STPG2: variants seen among roughly 807,000 people sequenced by gnomAD.
STPG2 encodes the protein sperm-tail PG-rich repeat-containing protein 2.
In STPG2, 56 loss-of-function variants were observed where a neutral mutation model predicts 54.2. That is an observed-to-expected ratio of 1.03 (90% CI 0.83 to 1.29). The LOEUF is 1.29. Among genes scored for constraint, STPG2 ranks in the 50% most tolerant of loss-of-function variants. The probability of loss-of-function intolerance (pLI) is 0.00; values close to 1 mark genes in which losing one functional copy is unlikely to be tolerated. For synonymous variants in STPG2, 200 were observed against 181.8 expected (o/e 1.10, Z -0.81); for missense variants, 596 against 544.9 (o/e 1.09, Z -0.93).
intron 8 of STPG2, among the ~76,000 whole-genome samples, chr4:97,865,194 C>A (rs1729721280): frequency 6.6e-6 from 1 of 152,098 alleles, no homozygotes; most frequent in African/African-American, 2.4e-5. Flanking sequence ...ATCTACTCAT[C>A]TGACAAAGGG....
intron 8 of STPG2, among the ~76,000 whole-genome samples, chr4:97,906,820 G>A (rs1003585976): frequency 1.2e-4 from 18 of 152,024 alleles, no homozygotes; most frequent in South Asian, 2.1e-4. Flanking sequence ...TCAACACCCC[G>A]TCAAACTAAA....
intron 10 of STPG2, among the ~76,000 whole-genome samples, chr4:97,562,916 G>A (rs1264060079): frequency 6.6e-6 from 1 of 152,070 alleles, no homozygotes; most frequent in Non-Finnish European, 1.5e-5. Flanking sequence ...TTTTGGTTGT[G>A]TCTCTGCCTG....
chr4:97,786,613 G>A (rs1330190932), intron 9 of STPG2, among the ~76,000 whole-genome samples: 3 of 152,100 alleles, frequency 2.0e-5, no homozygotes, highest in Non-Finnish European at 2.9e-5. Flanking sequence ...GTTCGGAGTA[G>A]GGTGAAAGAG....
chr4:97,659,263 T>TA (rs1306372248), intron 10 of STPG2, among the ~76,000 whole-genome samples: 3 of 152,118 alleles, frequency 2.0e-5, no homozygotes, highest in Non-Finnish European at 2.9e-5. Flanking sequence ...TTTATATATG[T>TA]AAAAAAACAA....
intron 4 of STPG2, among the ~76,000 whole-genome samples, chr4:97,509,454 C>G (rs898530393): frequency 6.6e-6 from 1 of 151,898 alleles, no homozygotes; most frequent in East Asian, 1.9e-4. Flanking sequence ...TTAACATAAA[C>G]CATAAAGAAC....
At chr4:98,141,627 T>C (rs1358585152) in intron 1 of STPG2, among the ~76,000 whole-genome samples, 2 of 152,198 alleles carry the variant, frequency 1.3e-5, no homozygotes, top group Non-Finnish European at 2.9e-5. Context: ...TTATTAAGTG[T>C]ACTTGATTAA....
intron 10 of STPG2, among the ~76,000 whole-genome samples, chr4:97,621,311 T>C (rs904076947): frequency 2.0e-5 from 3 of 151,886 alleles, no homozygotes; most frequent in Non-Finnish European, 2.9e-5. Flanking sequence ...CTGAAAGAAA[T>C]TGAGATGTAA....
intron 4 of STPG2, among the ~76,000 whole-genome samples, chr4:97,497,479 C>CAT: frequency 6.6e-6 from 1 of 151,920 alleles, no homozygotes; most frequent in South Asian, 2.1e-4. Context: ...TTTGAGAAAT[C>CAT]ATCTACCAAC....
chr4:97,654,574 C>A (rs1003462262), intron 10 of STPG2, among the ~76,000 whole-genome samples: 1 of 152,082 alleles, frequency 6.6e-6, no homozygotes, highest in African/African-American at 2.4e-5. Flanking sequence ...TCACTATGTA[C>A]TAACCACATG....
At chr4:97,706,804 C>G (rs1044006525) in intron 10 of STPG2, among the ~76,000 whole-genome samples, 1 of 151,946 alleles carries the variant, frequency 6.6e-6, no homozygotes, top group African/African-American at 2.4e-5. Context: ...GGGGAGAAAG[C>G]CTTACAAGTG....
Position 97,675,932 on chromosome 4 carries a change from A to ATATGCTATATATATAGTATATATAG in STPG2, c.1320+36742_1320+36766dup, listed in dbSNP as rs1353869788. 1.4e-4 allele frequency among the ~76,000 whole-genome samples: 21 copies of ATATGCTATATATATAGTATATATAG among 146,782 alleles called. No homozygotes were observed. In the East Asian group the frequency reaches 2.7e-3, roughly 19 times the overall value. Reference sequence around the variant, plus strand: ...ATAGTGTATATATATACATATATGTATATGCTATATATATAGTATATATAG... The same window carrying ATATGCTATATATATAGTATATATAG: ...ATAGTGTATATATATACATATATGTATATGCTATATATATAGTATATATAGTATGCTATATATATAGTATATATAG... On this transcript the variant is annotated intron_variant, in intron 10 of 10. Coordinates refer to ENST00000295268, the MANE Select transcript of STPG2 (RefSeq NM_174952.3).
At chr4:97,924,146 C>T (rs554886367) in intron 8 of STPG2, among the ~76,000 whole-genome samples, 5 of 152,216 alleles carry the variant, frequency 3.3e-5, no homozygotes, top group South Asian at 4.2e-4. Context: ...AGCGAGACCA[C>T]GAACCCACCA....
chr4:97,476,704 C>T (rs1197957710), intron 4 of STPG2, among the ~76,000 whole-genome samples: 2 of 152,048 alleles, frequency 1.3e-5, no homozygotes, highest in Non-Finnish European at 2.9e-5. Flanking sequence ...TTTAGTTGAG[C>T]TTATTATTAG....
chr4:97,718,791 T>G (rs191552142), intron 9 of STPG2, among the ~76,000 whole-genome samples: 1 of 152,124 alleles, frequency 6.6e-6, no homozygotes, highest in African/African-American at 2.4e-5. Context: ...CCTGTAATCA[T>G]GTAATGTAAA....
At chr4:98,101,583 A>C (rs1367436619) in intron 5 of STPG2, among the ~76,000 whole-genome samples, 2 of 152,120 alleles carry the variant, frequency 1.3e-5, no homozygotes, top group Non-Finnish European at 2.9e-5. Context: ...GAATCACCCA[A>C]CCTTAAATAT....
intron 2 of STPG2, among the ~76,000 whole-genome samples, chr4:98,130,192 G>A (rs927724869): frequency 2.7e-5 from 4 of 150,802 alleles, no homozygotes; most frequent in African/African-American, 9.8e-5. Context: ...TTTGGAGGGC[G>A]GGGGACAAAG....
intron 4 of STPG2, among the ~76,000 whole-genome samples, chr4:97,443,422 T>C (rs1161372206): frequency 1.3e-5 from 2 of 152,132 alleles, no homozygotes; most frequent in Admixed American, 1.3e-4. Context: ...AAATTTTATC[T>C]GGTATAGGGT....
chr4:98,093,568 G>C (rs1177426493), intron 5 of STPG2, among the ~76,000 whole-genome samples: 1 of 152,134 alleles, frequency 6.6e-6, no homozygotes, highest in Non-Finnish European at 1.5e-5. Context: ...ATGAAGAAAA[G>C]CACCGTCACA....
At chr4:98,002,682 C>T (rs1354101395) in intron 5 of STPG2, among the ~76,000 whole-genome samples, 1 of 151,898 alleles carries the variant, frequency 6.6e-6, no homozygotes, top group Non-Finnish European at 1.5e-5. Context: ...ATTCTCATTC[C>T]CTAAATTGAG....
Sources: gnomAD v4.1 joint callset for allele counts (sites outside exome capture counted in the v4.1 genomes callset) on GRCh38, gnomAD v4.1.1 for gene constraint, MANE v1.5 for transcripts, NCBI Gene and HGNC (gene_info 2026-07-23, HGNC 2026-07-21) for gene names.